The following DENND4C variants were observed in gnomAD, a reference collection of about 807,000 sequenced individuals.
The protein encoded by DENND4C is DENN domain containing 4C, also known as DENN domain-containing protein 4C.
In DENND4C, 108 loss-of-function variants were observed where a neutral mutation model predicts 203.0. The observed-to-expected ratio is 0.53, with a 90% confidence interval of 0.46 to 0.62. The LOEUF is 0.62. Among genes scored for constraint, DENND4C ranks in the 20% least tolerant of loss-of-function variants. The pLI is 0.00. For missense variants in DENND4C, 2,481 were observed against 2,301.2 expected (o/e 1.08, Z -1.60); for synonymous variants, 871 against 792.4 (o/e 1.10, Z -1.67).
chr9:19,301,034 C>T (rs1222356005), intron 9 of DENND4C, among the ~76,000 whole-genome samples: 5 of 152,026 alleles, frequency 3.3e-5, no homozygotes, highest in Non-Finnish European at 7.4e-5. Flanking sequence ...CAAAGTTAGC[C>T]GGGTGTGGTG....
At chr9:19,264,158 C>G (rs1485925288) in intron 1 of DENND4C, among the ~76,000 whole-genome samples, 1 of 152,160 alleles carries the variant, frequency 6.6e-6, no homozygotes, top group Non-Finnish European at 1.5e-5. Flanking sequence ...AGACTTCTTA[C>G]TACTGCTTCA....
intron 1 of DENND4C, among the ~76,000 whole-genome samples, chr9:19,254,537 T>A (rs1180918028): frequency 1.3e-5 from 2 of 152,238 alleles, no homozygotes; most frequent in African/African-American, 4.8e-5. Context: ...TCCAACAAGT[T>A]GAACTCATAA....
chr9:19,334,485 A>T (rs78987810), intron 17 of DENND4C, among the ~76,000 whole-genome samples: 279 of 149,740 alleles, frequency 1.9e-3, no homozygotes, highest in Non-Finnish European at 3.3e-3. Flanking sequence ...AATAATGATG[A>T]TACTTGCATT....
At chr9:19,347,800 A>G (rs1469321716) in intron 23 of DENND4C, among the ~76,000 whole-genome samples, 1 of 152,230 alleles carries the variant, frequency 6.6e-6, no homozygotes, top group Non-Finnish European at 1.5e-5. Flanking sequence ...TGTAGCATTC[A>G]CTTTTAAAAT....
At position 19,280,136 on chromosome 9, in the gene DENND4C, G is replaced by GCCTCCCTT. The variant is rs1554717083; in HGVS notation, c.305+3660_305+3661insCCCTTCCT. On this transcript the variant is annotated intron_variant, in intron 2 of 32. Coordinates refer to ENST00000434457, the MANE Select transcript of DENND4C (RefSeq NM_001330640.2). The stretch of plus-strand genomic sequence containing the variant: ...TGCCTTCCTGCCTTCCTGCCTACCT[G>GCCTCCCTT]CCTGCCTTCCTCCCTTCCTCCCTTC... Among the ~76,000 whole-genome samples the GCCTCCCTT allele has an allele frequency of 5.1e-4, 22 of 43,064 alleles. 2 individuals are homozygous for GCCTCCCTT. The highest frequency in any genetic ancestry group is 1.9e-3 in the Admixed American group (7 of 3,758). 28.3% of individuals were successfully genotyped at this position (43,064 alleles called of 152,430 possible).
intron 10 of DENND4C, among the ~76,000 whole-genome samples, chr9:19,312,043 C>T (rs1045843959): frequency 2.6e-5 from 4 of 152,224 alleles, no homozygotes; most frequent in African/African-American, 4.8e-5. Context: ...ACTACTGTAG[C>T]GCTGTAAAAT....
At chr9:19,288,377 C>T (rs531268740) in intron 3 of DENND4C, among the ~76,000 whole-genome samples, 5 of 152,160 alleles carry the variant, frequency 3.3e-5, no homozygotes, top group African/African-American at 1.2e-4. Context: ...TTTGAAATGG[C>T]CTTCATATCA....
intron 2 of DENND4C, among the ~76,000 whole-genome samples, chr9:19,285,995 C>CA (rs1282571225): frequency 6.6e-6 from 1 of 152,124 alleles, no homozygotes; most frequent in Non-Finnish European, 1.5e-5. Flanking sequence ...TGTGAGTCCT[C>CA]CAACTTTCTT....
chr9:19,263,200 G>A (rs1232881155), intron 1 of DENND4C, among the ~76,000 whole-genome samples: 2 of 152,120 alleles, frequency 1.3e-5, no homozygotes, highest in African/African-American at 4.8e-5. Flanking sequence ...TGATCATATG[G>A]TTTTTGTCTT....
chr9:19,364,231 G>C (rs1827138884), intron 30 of DENND4C, among the ~76,000 whole-genome samples: 1 of 151,976 alleles, frequency 6.6e-6, no homozygotes, highest in African/African-American at 2.4e-5. Flanking sequence ...ACTTGTAACT[G>C]TCAGGTTGGC....
At chr9:19,328,495 C>G (rs775881547) in intron 16 of DENND4C, among the ~76,000 whole-genome samples, 5 of 151,994 alleles carry the variant, frequency 3.3e-5, no homozygotes, top group African/African-American at 7.3e-5. Flanking sequence ...CGCCTGTGAT[C>G]CCAGCTACTC....
Position 19,317,839 on chromosome 9 carries a change from A to G in DENND4C, c.1807+1000A>G, listed in dbSNP as rs10964096. On this transcript the variant is annotated intron_variant, in intron 12 of 32. Transcript: ENST00000434457. ...AGAAAAAAAAGGGATGTTCTTCCAA[A>G]TATTCCAGTATTTCAAAATGGGTGT... Among the ~76,000 whole-genome samples the G allele has an allele frequency of 3.9e-4, 60 of 152,364 alleles. No individual in the cohort carries two copies. In the East Asian group the frequency reaches 0.01, roughly 26 times the overall value.
Position 19,358,270 on chromosome 9 carries a change from A to T in DENND4C, c.5160+110A>T. 1.1e-6 allele frequency: 1 copy of T among 912,674 alleles called. No individual in the cohort carries two copies. The highest frequency in any genetic ancestry group is 2.9e-5 in the South Asian group (1 of 34,372). 56.5% of individuals were successfully genotyped at this position (912,674 alleles called of 1,614,324 possible). A position where few individuals can be genotyped will look rare whatever the true frequency, so the allele number is the denominator to read the frequency against. ...TTATTTTAATTACATGAAAAGTGAT[A>T]GAGTTTTTCCATAAACAAATAACTT... On this transcript the variant is annotated intron_variant, in intron 28 of 32. Transcript: ENST00000434457. The surrounding 1 kb of genome is among the most constrained non-coding windows in gnomAD (Gnocchi z 4.8).
rs7026556 is a variant in DENND4C at position 19,369,130 on chromosome 9, C to T, written c.5525-707C>T. On this transcript the variant is annotated intron_variant, in intron 30 of 32. Transcript: ENST00000434457. ...GCACTCCAGCCTTGGCAACAGAATG[C>T]GATCCTGTCTCCAAAAATTAAGTAA... 2.7e-3 allele frequency among the ~76,000 whole-genome samples: 412 copies of T among 151,880 alleles called. 2 individuals are homozygous for T. Among genetic ancestry groups the T allele is most frequent in the African/African-American group, 8.9e-3 (368 of 41,428 alleles).
intron 1 of DENND4C, among the ~76,000 whole-genome samples, chr9:19,270,313 G>A (rs1831381516): frequency 6.6e-6 from 1 of 152,136 alleles, no homozygotes; most frequent in Non-Finnish European, 1.5e-5. Flanking sequence ...AGCGGGTTGT[G>A]AATCTAGCCA....
chr9:19,317,381 T>G (rs1164644140), intron 12 of DENND4C, among the ~76,000 whole-genome samples: 3 of 152,126 alleles, frequency 2.0e-5, no homozygotes, highest in Non-Finnish European at 4.4e-5. Flanking sequence ...ATTTTAACCA[T>G]TTTTGACTAA....
chr9:19,266,714 C>CA (rs1206435574), intron 1 of DENND4C, among the ~76,000 whole-genome samples: 2 of 152,030 alleles, frequency 1.3e-5, no homozygotes, highest in South Asian at 2.1e-4. Context: ...CTGACAAAAA[C>CA]AAAAAATGGG....
intron 1 of DENND4C, among the ~76,000 whole-genome samples, chr9:19,259,396 T>C (rs1444530677): frequency 6.6e-6 from 1 of 151,862 alleles, no homozygotes; most frequent in African/African-American, 2.4e-5. Context: ...TTACTTAATA[T>C]AATGACCTCC....
At position 19,319,494 on chromosome 9, in the gene DENND4C, C is replaced by T. The variant is rs79956731; in HGVS notation, c.1807+2655C>T. On this transcript the variant is annotated intron_variant, in intron 12 of 32. Coordinates refer to ENST00000434457, the MANE Select transcript of DENND4C (RefSeq NM_001330640.2). ...GAGGGGGACACAGTTTCACTCATGA[C>T]AGCACATTTGGGAAAAAAGATTAGA... Among the ~76,000 whole-genome samples the T allele has an allele frequency of 6.8e-3, 980 of 143,452 alleles. 11 individuals are homozygous for T. The highest frequency in any genetic ancestry group is 0.024 in the African/African-American group (934 of 38,694). 94.1% of individuals were successfully genotyped at this position (143,452 alleles called of 152,430 possible).
Sources: allele counts gnomAD v4.1 joint callset (sites outside exome capture counted in the v4.1 genomes callset), GRCh38; gene constraint gnomAD v4.1.1; non-coding constraint Gnocchi (gnomAD v3.1); transcripts MANE v1.5; gene names NCBI Gene and HGNC (gene_info 2026-07-23, HGNC 2026-07-21).